The following ARSF variants were observed in gnomAD, a reference collection of about 807,000 sequenced individuals.
ARSF encodes the protein arylsulfatase F.
ARSF carries 33 observed loss-of-function variants against 35.4 expected under a neutral mutation model. That is an observed-to-expected ratio of 0.93 (90% CI 0.71 to 1.25). ARSF has a LOEUF of 1.25. Among genes scored for constraint, ARSF ranks in the 50% most tolerant of loss-of-function variants. The pLI is 0.00. For missense variants in ARSF, 501 were observed against 480.2 expected (o/e 1.04, Z -0.40); for synonymous variants, 222 against 193.1 (o/e 1.15, Z -1.24).
chrX:3,088,872 C>A (rs2090267787), intron 6 of ARSF, among the ~76,000 whole-genome samples: 1 of 111,349 alleles, frequency 9.0e-6, no homozygotes, highest in Admixed American at 9.6e-5. Flanking sequence ...CAAACCCATC[C>A]TTCCAAGGAG....
At chrX:3,073,253 T>G (rs1236953514) in intron 3 of ARSF, among the ~76,000 whole-genome samples, 1 of 99,942 alleles carries the variant, frequency 1.0e-5, no homozygotes, top group Non-Finnish European at 2.0e-5. Context: ...ATATAATATA[T>G]AATATTCATA....
chrX:3,085,137 C>A (rs989321928), intron 6 of ARSF, among the ~76,000 whole-genome samples: 4 of 109,620 alleles, frequency 3.6e-5, no homozygotes, highest in African/African-American at 1.3e-4. Context: ...AAAATCATGG[C>A]CTCTCTATTG....
chrX:3,087,875 T>C (rs1192186863), intron 6 of ARSF, among the ~76,000 whole-genome samples: 1 of 112,084 alleles, frequency 8.9e-6, no homozygotes, highest in Non-Finnish European at 1.9e-5. Context: ...TAATTAAATC[T>C]CCAGAGGCCC....
chrX:3,048,408 G>C (rs1366360320), intron 1 of ARSF, among the ~76,000 whole-genome samples: 1 of 112,379 alleles, frequency 8.9e-6, no homozygotes, highest in Non-Finnish European at 1.9e-5. Flanking sequence ...AGGCTCCCCT[G>C]AGACAAATGC....
intron 1 of ARSF, among the ~76,000 whole-genome samples, chrX:3,052,313 A>G (rs776627153): frequency 2.1e-4 from 24 of 112,058 alleles, no homozygotes; most frequent in Non-Finnish European, 4.3e-4. Context: ...ATTTTGTCAA[A>G]TTCAAACACT....
chrX:3,076,644 G>A lies in ARSF; in HGVS notation c.258G>A (p.Leu86=). Residue 86 remains leucine (L), a synonymous_variant, in exon 4 of 11, where the codon TTG becomes TTA. Coordinates refer to ENST00000381127, the MANE Select transcript of ARSF (RefSeq NM_001201539.2). ...GCAGCCCAAGCCGGTCCGCGTTCTT[G>A]ACGGGAAGATACCCCATCCGATCAG... ...SLCSPSRSAF[L]TGRYPIRSGM... 1 of 1,211,752 alleles carries A rather than the reference G, an allele frequency of 8.3e-7. No homozygotes were observed. Among genetic ancestry groups the A allele is most frequent in the African/African-American group, 1.7e-5 (1 of 57,866 alleles).
intron 3 of ARSF, among the ~76,000 whole-genome samples, chrX:3,075,756 T>C (rs766771388): frequency 2.7e-5 from 3 of 109,297 alleles, no homozygotes; most frequent in Non-Finnish European, 5.7e-5. Context: ...TCTGTCTCTG[T>C]CTCTGTCTCT....
intron 2 of ARSF, among the ~76,000 whole-genome samples, chrX:3,071,427 C>G (rs2090103440): frequency 9.1e-6 from 1 of 110,461 alleles, no homozygotes; most frequent in Non-Finnish European, 1.9e-5. Context: ...CCTCAGCCCC[C>G]CTAGCAGCTG....
chrX:3,083,596 A>G (rs1220763556), intron 5 of ARSF, among the ~76,000 whole-genome samples: 8 of 109,983 alleles, frequency 7.3e-5, no homozygotes, highest in African/African-American at 1.3e-4. Flanking sequence ...TTCTGTCTAC[A>G]TATTATCTAT....
rs1230597075 is a variant in ARSF at position 3,112,392 on chromosome X, G to A, written c.1609G>A (p.Ala537Thr). The A allele has an allele frequency of 2.5e-6, 3 of 1,209,155 alleles. No individual in the cohort carries two copies. The highest frequency in any genetic ancestry group is 3.5e-5 in the African/African-American group (2 of 56,926). The change falls in exon 11 of 11, where the codon GCC becomes ACC. Residue 537 changes from alanine to threonine, a missense_variant. Transcript: ENST00000381127. ...HDFVIKKVAN[A>T]LKEHQETIVP... ...TTTTGTGATTAAAAAGGTGGCCAAC[G>A]CCCTGAAGGAACACCAGGAAACCAT...
In ARSF at chrX:3,072,203, G is replaced by A. The variant is rs781068968; in HGVS notation, c.161+28G>A. Reference sequence around the variant, plus strand: ...AAGGCGGTTTCATGGCCAGTCATACGTTCGTCAGTCGTTCAGGTTCAGCAG... The same window carrying A: ...AAGGCGGTTTCATGGCCAGTCATACATTCGTCAGTCGTTCAGGTTCAGCAG... On this transcript the variant is annotated intron_variant, in intron 3 of 10. Coordinates refer to ENST00000381127, the MANE Select transcript of ARSF (RefSeq NM_001201539.2). 2.5e-6 allele frequency: 3 copies of A among 1,193,671 alleles called. No individual in the cohort carries two copies. In the East Asian group the frequency reaches 9.0e-5, roughly 36 times the overall value.
intron 9 of ARSF, among the ~76,000 whole-genome samples, chrX:3,109,313 C>G (rs961806803): frequency 9.0e-6 from 1 of 110,980 alleles, no homozygotes; most frequent in African/African-American, 3.3e-5. Context: ...GAGTGAAACT[C>G]CATCTCAAAA....
intron 3 of ARSF, among the ~76,000 whole-genome samples, chrX:3,075,691 T>C (rs1315311861): frequency 9.2e-6 from 1 of 108,796 alleles, no homozygotes; most frequent in Non-Finnish European, 1.9e-5. Flanking sequence ...TTTCTATGTC[T>C]GTCTCTGTCT....
intron 3 of ARSF, among the ~76,000 whole-genome samples, chrX:3,074,289 C>G (rs889925840): frequency 9.1e-6 from 1 of 109,821 alleles, no homozygotes; most frequent in African/African-American, 3.3e-5. Flanking sequence ...GCACATGTGC[C>G]CCAGGAATGC....
At chrX:3,063,027 CTGA>C (rs1256789428) in intron 1 of ARSF, among the ~76,000 whole-genome samples, 4 of 111,842 alleles carry the variant, frequency 3.6e-5, no homozygotes, top group Non-Finnish European at 7.5e-5. Context: ...ATCAATATCC[CTGA>C]TGAACATCAG....
At chrX:3,093,233 T>G (rs965701178) in intron 7 of ARSF, among the ~76,000 whole-genome samples, 1 of 112,674 alleles carries the variant, frequency 8.9e-6, no homozygotes, top group Non-Finnish European at 1.9e-5. Context: ...ACTGATAGAA[T>G]AAACATTTAT....
chrX:3,092,460 C>G (rs973295545), intron 7 of ARSF, among the ~76,000 whole-genome samples: 1 of 111,663 alleles, frequency 9.0e-6, no homozygotes, highest in Non-Finnish European at 1.9e-5. Flanking sequence ...TTTAATAAAC[C>G]TGATGATGTG....
intron 2 of ARSF, among the ~76,000 whole-genome samples, chrX:3,069,451 G>A (rs1410921040): frequency 1.8e-5 from 2 of 109,516 alleles, no homozygotes; most frequent in South Asian, 3.9e-4. Context: ...AGCCTCCAGA[G>A]TAGCTGGGAC....
At chrX:3,092,145 A>G (rs1205250922) in intron 7 of ARSF, among the ~76,000 whole-genome samples, 2 of 106,304 alleles carry the variant, frequency 1.9e-5, no homozygotes, top group East Asian at 6.1e-4. Flanking sequence ...ACAGATACGT[A>G]GATGATAGGT....
Sources: allele counts gnomAD v4.1 joint callset (sites outside exome capture counted in the v4.1 genomes callset), GRCh38; gene constraint gnomAD v4.1.1; transcripts MANE v1.5; gene names NCBI Gene and HGNC (gene_info 2026-07-23, HGNC 2026-07-21).